KALRN: variants seen among roughly 807,000 people sequenced by gnomAD.
KALRN encodes kalirin.
A neutral mutation model predicts 353.7 loss-of-function variants in KALRN; 70 were observed. The ratio of observed to expected loss-of-function variants is 0.20; its 90% CI spans 0.16 to 0.24. KALRN has a LOEUF of 0.24. Among genes scored for constraint, KALRN ranks in the 10% least tolerant of loss-of-function variants. The probability of loss-of-function intolerance (pLI) is 1.00; values close to 1 mark genes in which losing one functional copy is unlikely to be tolerated. For synonymous variants in KALRN, 1,391 were observed against 1,434.8 expected, an observed-to-expected ratio of 0.97 and a Z score of 0.69; for missense variants, 2,791 against 3,756.7, an observed-to-expected ratio of 0.74 and a Z score of 6.72.
intron 33 of KALRN, among the ~76,000 whole-genome samples, chr3:124,525,796 T>C (rs770465497): frequency 5.1e-4 from 78 of 152,200 alleles, no homozygotes; most frequent in Non-Finnish European, 9.7e-4. Flanking sequence ...CTGGGACTAT[T>C]CAACCAACAA....
intron 43 of KALRN, 121 bp downstream of exon 43, chr3:124,659,578 C>A: frequency 1.5e-6 from 1 of 685,998 alleles, no homozygotes; most frequent in South Asian, 1.8e-5. Flanking sequence ...GGACTGTGAA[C>A]TGTGGGAGGG....
intron 1 of KALRN, among the ~76,000 whole-genome samples, chr3:124,085,917 T>G (rs1024909503): frequency 1.3e-5 from 2 of 152,252 alleles, no homozygotes; most frequent in African/African-American, 2.4e-5. Flanking sequence ...TATATTTATA[T>G]GTCTATTTTC....
intron 57 of KALRN, among the ~76,000 whole-genome samples, chr3:124,711,963 G>T (rs1435492854): frequency 6.6e-6 from 1 of 152,122 alleles, no homozygotes; most frequent in East Asian, 1.9e-4. Flanking sequence ...ATGAAATGAT[G>T]GACTCTTTAA....
At chr3:124,365,123 G>A (rs893588284) in intron 10 of KALRN, among the ~76,000 whole-genome samples, 1 of 152,104 alleles carries the variant, frequency 6.6e-6, no homozygotes, top group Non-Finnish European at 1.5e-5. Context: ...TAACTTAATT[G>A]TGTAGAGAAC....
intron 1 of KALRN, chr3:124,094,960 G>A (rs1415615425): frequency 6.9e-7 from 1 of 1,451,346 alleles, no homozygotes; most frequent in African/African-American, 1.4e-5. Context: ...AATACACATA[G>A]AGACATAAAG....
In KALRN at chr3:124,694,386, C is replaced by T; in HGVS notation, c.7460C>T (p.Thr2487Ile). 1 of 1,614,222 alleles carries T rather than the reference C, an allele frequency of 6.2e-7. No homozygotes were observed. Among genetic ancestry groups the T allele is most frequent in the Non-Finnish European group, 8.5e-7 (1 of 1,180,034 alleles). The change falls in exon 53 of 60, where the codon ACA (threonine) becomes ATA (isoleucine). Residue 2487 changes from threonine (T) to isoleucine (I), a missense_variant. By Grantham distance (89) the Thr-to-Ile change is moderately conservative (BLOSUM62 -1). This residue lies in a region of KALRN where 1,065 missense variants were observed against 1,156.4 expected (regional missense o/e 0.92). Transcript: ENST00000682506. ...LVDVTCLLGD[T>I]VILQCKVCGR... The stretch of plus-strand genomic sequence containing the variant: ...GATGTGACCTGCTTGCTTGGGGACA[C>T]AGTGATACTGCAGTGCAAAGTCTGT...
At chr3:124,617,183 A>T (rs750527701) in intron 34 of KALRN, among the ~76,000 whole-genome samples, 1 of 151,928 alleles carries the variant, frequency 6.6e-6, no homozygotes, top group Non-Finnish European at 1.5e-5. Flanking sequence ...AATTTAAAAA[A>T]ATTAGCTGGG....
intron 1 of KALRN, among the ~76,000 whole-genome samples, chr3:124,155,682 A>G (rs1273867245): frequency 6.6e-6 from 1 of 152,252 alleles, no homozygotes; most frequent in Non-Finnish European, 1.5e-5. Flanking sequence ...AAGAAATGCA[A>G]TACCTACTTT....
In KALRN at chr3:124,441,925, C is replaced by T. The variant is rs777956354; in HGVS notation, c.3199-20C>T. On this transcript the variant is annotated intron_variant, in intron 18 of 59. Coordinates refer to ENST00000682506, the MANE Select transcript of KALRN (RefSeq NM_001388419.1). ...CATACACCTGCTGGGACAGGGGCCT[C>T]ACAGCTTTGTCTTTCGCAGGCCTGC... is the stretch of plus-strand genomic sequence containing the variant. 3.3e-6 allele frequency: 5 copies of T among 1,513,576 alleles called. No homozygotes were observed. Among genetic ancestry groups the T allele is most frequent in the Non-Finnish European group, 4.5e-6 (5 of 1,109,952 alleles). The allele number at this position is 1,513,576 out of a possible 1,614,324, so 93.8% of individuals were successfully genotyped here.
At chr3:124,268,628 A>G in intron 4 of KALRN, 115 bp from the exon 5 acceptor site, 1 of 1,117,696 alleles carries the variant, frequency 8.9e-7, no homozygotes, top group Non-Finnish European at 1.3e-6. Flanking sequence ...ACCATTTCCG[A>G]GGCAGGCTGT....
At chr3:124,420,083 T>C (rs1576775282) in intron 14 of KALRN, among the ~76,000 whole-genome samples, 2 of 152,358 alleles carry the variant, frequency 1.3e-5, no homozygotes, top group South Asian at 4.1e-4. Context: ...ATCCACAACA[T>C]GATGTGTTCC....
At chr3:124,127,868 C>G (rs1472634026) in intron 1 of KALRN, among the ~76,000 whole-genome samples, 1 of 152,210 alleles carries the variant, frequency 6.6e-6, no homozygotes, top group Non-Finnish European at 1.5e-5. Flanking sequence ...ATTACTATCA[C>G]ACAGTCTTTT....
intron 41 of KALRN, among the ~76,000 whole-genome samples, chr3:124,658,132 G>A (rs560158383): frequency 9.9e-5 from 15 of 152,140 alleles, no homozygotes; most frequent in Non-Finnish European, 1.3e-4. Flanking sequence ...ACTCCAGCCT[G>A]GGTGACAGAG....
rs562944246 is a variant in KALRN at position 124,083,740 on chromosome 3, T to C, written c.73+49927T>C. On this transcript the variant is annotated intron_variant, in intron 1 of 59. Coordinates refer to ENST00000682506, the MANE Select transcript of KALRN (RefSeq NM_001388419.1). Reference sequence around the variant, plus strand: ...GTGGTGACAAAACAATTACTATGCCTGTGTGTGTAGCACTGATTCCCAGTG... The same window carrying C: ...GTGGTGACAAAACAATTACTATGCCCGTGTGTGTAGCACTGATTCCCAGTG... Among the ~76,000 whole-genome samples the C allele has an allele frequency of 2.9e-3, 447 of 152,346 alleles. 2 individuals carry two copies. The highest frequency in any genetic ancestry group is 5.4e-3 in the Non-Finnish European group (369 of 68,018).
At position 124,725,582 on chromosome 3, in the gene KALRN, C is replaced by G. The variant is rs2063409242; in HGVS notation, c.*6112C>G. On this transcript the variant is annotated 3_prime_UTR_variant, in exon 60 of 60. Coordinates refer to ENST00000682506, the MANE Select transcript of KALRN (RefSeq NM_001388419.1). ...TGGGTCAATGTTTCTAATGGAAAAC[C>G]ATTTAGGGCCATTCAAAACCATTAG... The G allele has an allele frequency of 6.6e-6, 1 of 152,114 alleles. No homozygotes were observed. Among genetic ancestry groups the G allele is most frequent in the South Asian group, 2.1e-4 (1 of 4,826 alleles). 9.4% of individuals were successfully genotyped at this position (152,114 alleles called of 1,614,324 possible).
intron 10 of KALRN, among the ~76,000 whole-genome samples, chr3:124,368,789 C>T (rs1439240075): frequency 6.6e-6 from 1 of 151,862 alleles, no homozygotes; most frequent in Non-Finnish European, 1.5e-5. Flanking sequence ...ACTGAGTGAA[C>T]GAGACTCCGT....
rs551346771 is a variant in KALRN at position 124,462,566 on chromosome 3, C to T, written c.3964C>T (p.Pro1322Ser). 3.0e-5 allele frequency: 48 copies of T among 1,611,770 alleles called. No homozygotes were observed. In the South Asian group the frequency reaches 5.1e-4, roughly 17 times the overall value. ...EMTSGVEEIP[P>S]GILNKEHIIF... ...GACCAGTGGTGTGGAGGAGATCCCC[C>T]CTGGGATCCTCAATAAAGAGCATAT... The change falls in exon 25 of 60, where the codon CCT becomes TCT. Residue 1322 changes from proline to serine, a missense_variant. By Grantham distance (74) the Pro-to-Ser change is moderately conservative (BLOSUM62 -1). Around this residue, in one of 11 missense-constraint regions of KALRN, gnomAD observed 268 missense variants for 347.0 expected, o/e 0.77. Coordinates refer to ENST00000682506, the MANE Select transcript of KALRN (RefSeq NM_001388419.1).
chr3:124,155,879 G>GCTTATTTTAATTACT (rs1315490432), intron 1 of KALRN, among the ~76,000 whole-genome samples: 1 of 152,128 alleles, frequency 6.6e-6, no homozygotes, highest in African/African-American at 2.4e-5. Context: ...TTACCTTCTT[G>GCTTATTTTAATTACT]CTTATTTTAA....
intron 1 of KALRN, among the ~76,000 whole-genome samples, chr3:124,182,929 A>G (rs1430061993): frequency 6.6e-6 from 1 of 152,220 alleles, no homozygotes; most frequent in Non-Finnish European, 1.5e-5. Flanking sequence ...GTGTTGGGGA[A>G]GAGGAGCTGG....
Sources: gnomAD v4.1 joint callset for allele counts (sites outside exome capture counted in the v4.1 genomes callset) on GRCh38, gnomAD v4.1.1 for gene constraint, gnomAD v4.1.1 regional missense constraint, MANE v1.5 for transcripts, NCBI Gene and HGNC (gene_info 2026-07-23, HGNC 2026-07-21) for gene names.